Variants in KCNQ1 observed in about 807,000 individuals in gnomAD.
The protein encoded by KCNQ1 is potassium voltage-gated channel subfamily Q member 1.
KCNQ1 carries 49 observed loss-of-function variants against 72.4 expected under a neutral mutation model. The ratio of observed to expected loss-of-function variants is 0.68; its 90% CI spans 0.54 to 0.86. The LOEUF (loss-of-function observed/expected upper bound fraction) is 0.86. Among genes scored for constraint, KCNQ1 ranks in the 40% least tolerant of loss-of-function variants. The pLI is 0.00. For synonymous variants in KCNQ1, 450 were observed against 412.6 expected, an observed-to-expected ratio of 1.09 and a Z score of -1.10; for missense variants, 790 against 945.1, an observed-to-expected ratio of 0.84 and a Z score of 2.15.
Position 2,668,791 on chromosome 11 carries a change from G to A in KCNQ1, c.1514+6710G>A. 2.5e-6 allele frequency: 1 copy of A among 398,522 alleles called. No individual in the cohort carries two copies. Among genetic ancestry groups the A allele is most frequent in the East Asian group, 3.6e-5 (1 of 28,078 alleles). The allele number at this position is 398,522 out of a possible 1,614,324, so 24.7% of individuals were successfully genotyped here. A position where few individuals can be genotyped will look rare whatever the true frequency, so the allele number is the denominator to read the frequency against. On this transcript the variant is annotated intron_variant, in intron 11 of 15. Coordinates refer to ENST00000155840, the MANE Select transcript of KCNQ1 (RefSeq NM_000218.3). The surrounding 1 kb of genome is among the most constrained non-coding windows in gnomAD (Gnocchi z 4.3). ...TGATGGTGTCTTTTGATGAACAGAAGGTCTTAATTTTCATGTGGTCCAGTT... is the reference window on the plus strand; with the variant it reads ...TGATGGTGTCTTTTGATGAACAGAAAGTCTTAATTTTCATGTGGTCCAGTT...
At chr11:2,503,545 T>TG (rs938705277) in intron 1 of KCNQ1, among the ~76,000 whole-genome samples, 1 of 8,126 alleles carries the variant, frequency 1.2e-4, no homozygotes, top group Non-Finnish European at 2.3e-4. Context: ...GTTGTGGGGT[T>TG]GGGGGGAGGG....
chr11:2,540,834 G>T (rs987223880), intron 2 of KCNQ1, among the ~76,000 whole-genome samples: 1 of 152,236 alleles, frequency 6.6e-6, no homozygotes, highest in African/African-American at 2.4e-5. Context: ...GCCAATCCCT[G>T]TTGGGCTGAG....
rs1408076170 is a variant in KCNQ1, at chr11:2,769,845, C to G, written c.1590+926C>G. Among the ~76,000 whole-genome samples the G allele has an allele frequency of 2.0e-5, 3 of 152,112 alleles. No homozygotes were observed. The highest frequency in any genetic ancestry group is 2.1e-4 in the South Asian group (1 of 4,834). ...GAGCTGGGGGCCCCTGGCACCTCAG[C>G]CACAGCCTCACCAGTCATAAGGCAC... On this transcript the variant is annotated intron_variant, in intron 12 of 15. Coordinates refer to ENST00000155840, the MANE Select transcript of KCNQ1 (RefSeq NM_000218.3). This position sits in a 1 kb window ranked among gnomAD's most constrained non-coding sequence, Gnocchi z 4.6.
At chr11:2,672,755 A>G (rs1005429973) in intron 11 of KCNQ1, 8 of 398,694 alleles carry the variant, frequency 2.0e-5, no homozygotes, top group South Asian at 2.5e-4. Flanking sequence ...TTGCTGGTCC[A>G]GCATGGCCTG....
intron 10 of KCNQ1, among the ~76,000 whole-genome samples, chr11:2,597,835 T>C (rs886319818): frequency 4.6e-5 from 7 of 152,216 alleles, no homozygotes; most frequent in African/African-American, 1.7e-4. Flanking sequence ...TGCTATTTAA[T>C]TTCCTCAAGC....
intron 11 of KCNQ1, among the ~76,000 whole-genome samples, chr11:2,749,605 C>T (rs184356106): frequency 0.085 from 10,548 of 124,336 alleles, 5 homozygotes; most frequent in East Asian, 0.16. Context: ...GTCAGGAGAT[C>T]GAGACCACGG....
Position 2,492,189 on chromosome 11 carries a change from CTG to C in KCNQ1, c.387-35737_387-35736del, listed in dbSNP as rs1846846675. On this transcript the variant is annotated intron_variant, in intron 1 of 15. Transcript: ENST00000155840. This position sits in a 1 kb window ranked among gnomAD's most constrained non-coding sequence, Gnocchi z 4.1. The stretch of plus-strand genomic sequence containing the variant: ...CAGAAATACAAATAGTATTATAACA[CTG>C]TAATTATGGTGTGTAAACTACTCAT... 6.6e-6 allele frequency among the ~76,000 whole-genome samples: 1 copy of C among 152,108 alleles called. No individual in the cohort carries two copies. The highest frequency in any genetic ancestry group is 1.5e-5 in the Non-Finnish European group (1 of 68,022).
chr11:2,464,160 C>A lies in KCNQ1; in HGVS notation c.386+18676C>A, dbSNP rs935002538. Among the ~76,000 whole-genome samples the A allele has an allele frequency of 6.6e-6, 1 of 152,142 alleles. No homozygotes were observed. Among genetic ancestry groups the A allele is most frequent in the African/African-American group, 2.4e-5 (1 of 41,428 alleles). The stretch of plus-strand genomic sequence containing the variant: ...CTACGGTGCTTGCCATCAGCAGATA[C>A]AAGCTGTACGCAGTGGGCCGCAGGC... On this transcript the variant is annotated intron_variant, in intron 1 of 15. Coordinates refer to ENST00000155840, the MANE Select transcript of KCNQ1 (RefSeq NM_000218.3). The surrounding 1 kb of genome is among the most constrained non-coding windows in gnomAD (Gnocchi z 5.0).
intron 15 of KCNQ1, among the ~76,000 whole-genome samples, chr11:2,779,070 T>C (rs185591207): frequency 2.6e-5 from 4 of 152,350 alleles, no homozygotes; most frequent in African/African-American, 7.2e-5. Flanking sequence ...CCCATGGGGC[T>C]GTGTGACCAC....
intron 1 of KCNQ1, among the ~76,000 whole-genome samples, chr11:2,476,796 C>G (rs1846575556): frequency 6.6e-6 from 1 of 152,166 alleles, no homozygotes; most frequent in Non-Finnish European, 1.5e-5. Context: ...AAGCGCTCCT[C>G]CCCCCTCAGC....
Position 2,445,323 on chromosome 11 carries a change from T to G in KCNQ1, c.225T>G (p.Val75=), listed in dbSNP as rs367817352. 3 of 1,538,446 alleles carry G rather than the reference T, an allele frequency of 2.0e-6. No homozygotes were observed. Among genetic ancestry groups the G allele is most frequent in the African/African-American group, 2.8e-5 (2 of 71,134 alleles). ...ASPAAPAAPP[V]ASDLGPRPPV... is the part of the protein sequence containing the mutation. ...CGGCCGCGCCCGCCGCGCCCCCAGT[T>G]GCCTCCGACCTTGGCCCGCGGCCGC... The change falls in exon 1 of 16, where the codon GTT becomes GTG. Residue 75 remains valine, a synonymous_variant. Transcript: ENST00000155840.
At position 2,747,408 on chromosome 11, in the gene KCNQ1, G is replaced by A. The variant is rs537367833; in HGVS notation, c.1515-21436G>A. Among the ~76,000 whole-genome samples, 149 of 152,306 alleles carry A rather than the reference G, an allele frequency of 9.8e-4. No homozygotes were observed. The Middle Eastern group carries it at 0.01, about 10-fold the overall frequency. On this transcript the variant is annotated intron_variant, in intron 11 of 15. Transcript: ENST00000155840. ...GGGCCTGGGGGTGGCCCCGGGAGGGGCTCGTCCAGCCTTCTGCTCCTCTGC... is the reference window on the plus strand; with the variant it reads ...GGGCCTGGGGGTGGCCCCGGGAGGGACTCGTCCAGCCTTCTGCTCCTCTGC...
At chr11:2,791,554 G>A (rs529763253) in intron 15 of KCNQ1, among the ~76,000 whole-genome samples, 149 of 152,050 alleles carry the variant, frequency 9.8e-4, no homozygotes, top group Admixed American at 1.7e-3. Flanking sequence ...CCCGGGGAGG[G>A]GACCTGGCCG....
At position 2,658,421 on chromosome 11, in the gene KCNQ1, A is replaced by C. The variant is rs1029844028; in HGVS notation, c.1394-3540A>C. On this transcript the variant is annotated intron_variant, in intron 10 of 15. Transcript: ENST00000155840. The surrounding 1 kb of genome is among the most constrained non-coding windows in gnomAD (Gnocchi z 4.9). ...TTTATTTTGTTGCTCAAATTGTTCA[A>C]GCTGTGGCCACTGGTGGGTTCATGT... is the stretch of plus-strand genomic sequence containing the variant. 8.8e-5 allele frequency: 35 copies of C among 398,394 alleles called. No individual in the cohort carries two copies. The highest frequency in any genetic ancestry group is 4.8e-4 in the Admixed American group (11 of 22,708). The allele number at this position is 398,394 out of a possible 1,614,324, so 24.7% of individuals were successfully genotyped here.
intron 10 of KCNQ1, among the ~76,000 whole-genome samples, chr11:2,597,796 T>C (rs898852810): frequency 2.0e-5 from 3 of 152,246 alleles, no homozygotes; most frequent in African/African-American, 4.8e-5. Flanking sequence ...TAAATTAGTT[T>C]ATTGCATCTT....
chr11:2,834,038 G>A (rs1287902107), intron 15 of KCNQ1, among the ~76,000 whole-genome samples: 1 of 152,246 alleles, frequency 6.6e-6, no homozygotes, highest in Non-Finnish European at 1.5e-5. Flanking sequence ...TGGCTCCCGG[G>A]AGGACATGGG....
rs1158216764 is a variant in KCNQ1 at position 2,674,500 on chromosome 11, T to G, written c.1514+12419T>G. 1 of 398,490 alleles carries G rather than the reference T, an allele frequency of 2.5e-6. No individual in the cohort carries two copies. The highest frequency in any genetic ancestry group is 2.1e-5 in the African/African-American group (1 of 48,622). 24.7% of individuals were successfully genotyped at this position (398,490 alleles called of 1,614,324 possible). A position where few individuals can be genotyped will look rare whatever the true frequency, so the allele number is the denominator to read the frequency against. On this transcript the variant is annotated intron_variant, in intron 11 of 15. Transcript: ENST00000155840. The surrounding 1 kb of genome is among the most constrained non-coding windows in gnomAD (Gnocchi z 5.9). ...ATGTGTAAGATGGCCCCAGTGTTAC[T>G]AGGCACTAGATGGCACTTGCAAAGC...
intron 2 of KCNQ1, among the ~76,000 whole-genome samples, chr11:2,531,648 G>C (rs957658591): frequency 6.6e-6 from 1 of 152,152 alleles, no homozygotes; most frequent in Admixed American, 6.5e-5. Flanking sequence ...CCTCTCCTCC[G>C]GGGTGGCATG....
intron 7 of KCNQ1, among the ~76,000 whole-genome samples, chr11:2,584,387 T>C (rs1209403256): frequency 7.3e-5 from 11 of 151,078 alleles, no homozygotes. Context: ...GTTTGTGTGT[T>C]AGTGTGTGGG....
Sources: gnomAD v4.1 joint callset for allele counts (sites outside exome capture counted in the v4.1 genomes callset) on GRCh38, gnomAD v4.1.1 for gene constraint, Gnocchi (gnomAD v3.1) non-coding constraint, MANE v1.5 for transcripts, NCBI Gene and HGNC (gene_info 2026-07-23, HGNC 2026-07-21) for gene names.